MYO19: variants seen among roughly 807,000 people sequenced by gnomAD.
MYO19 encodes the protein myosin XIX.
Under a neutral mutation model 129.2 loss-of-function variants are expected in MYO19, and 132 were observed. The observed-to-expected ratio is 1.02, with a 90% confidence interval of 0.89 to 1.18. MYO19 has a LOEUF of 1.18. Ranked by LOEUF, MYO19 falls within the 50% of genes most tolerant of loss-of-function variation. MYO19 has a pLI of 0.00. For missense variants in MYO19, 1,210 were observed against 1,216.7 expected (o/e 0.99, Z 0.08); for synonymous variants, 531 against 477.2 (o/e 1.11, Z -1.47).
chr17:36,503,495 G>A (rs1003882233), intron 20 of MYO19, among the ~76,000 whole-genome samples: 4 of 152,188 alleles, frequency 2.6e-5, no homozygotes, highest in Admixed American at 2.0e-4. Flanking sequence ...CCTCCAAAGG[G>A]GCTGACAGGC....
rs1443240753 is a variant in MYO19 at position 36,528,178 on chromosome 17, C to T, written c.37G>A (p.Asp13Asn). ...CTGAGGTACTCCCTGGCTTGGCCAT[C>T]AGACCCCGGATTGTGGCCATTGACC... is the stretch of plus-strand genomic sequence containing the variant. ...QQVNGHNPGS[D>N]GQAREYLRED... Residue 13 changes from aspartate to asparagine, a missense_variant, in exon 4 of 26, where the codon GAT becomes AAT. Physicochemically the swap from Asp to Asn is conservative, Grantham distance 23. Transcript: ENST00000614623. 1.9e-6 allele frequency: 3 copies of T among 1,596,592 alleles called. No individual in the cohort carries two copies. Among genetic ancestry groups the T allele is most frequent in the Non-Finnish European group, 2.6e-6 (3 of 1,170,996 alleles).
rs759213581 is a variant in MYO19, at chr17:36,525,281, T to G, written c.361A>C (p.Ile121Leu). ...EQTYRNVKSL[I>L]EPVNQSIVVS... ...ACAATAGACTGGTTGACTGGTTCAA[T>G]CAGGCTCTTGACATTCCTGTAGGTC... The change falls in exon 6 of 26, where the codon ATT becomes CTT. Residue 121 changes from isoleucine to leucine, a missense_variant. By Grantham distance (5) the Ile-to-Leu change is conservative. Coordinates refer to ENST00000614623, the MANE Select transcript of MYO19 (RefSeq NM_001163735.2). The G allele has an allele frequency of 6.2e-7, 1 of 1,613,878 alleles. No homozygotes were observed. Among genetic ancestry groups the G allele is most frequent in the African/African-American group, 1.3e-5 (1 of 74,930 alleles).
Position 36,496,164 on chromosome 17 carries a change from G to T in MYO19, c.*87C>A. 6.6e-7 allele frequency: 1 copy of T among 1,523,722 alleles called. No homozygotes were observed. 94.4% of individuals were successfully genotyped at this position (1,523,722 alleles called of 1,614,324 possible). On this transcript the variant is annotated 3_prime_UTR_variant, in exon 26 of 26. Coordinates refer to ENST00000614623, the MANE Select transcript of MYO19 (RefSeq NM_001163735.2). ...TTCATGTGCATTTGGAGCACTGTGG[G>T]AATAGTCTGGCAGCTGTGTGCTGAT...
intron 3 of MYO19, among the ~76,000 whole-genome samples, chr17:36,530,450 GC>G (rs377409630): frequency 1.5e-4 from 21 of 141,656 alleles, no homozygotes; most frequent in African/African-American, 4.9e-4. Flanking sequence ...TCTAAAAGTG[GC>G]TTTTTTTTTT....
chr17:36,500,673 A>T, intron 23 of MYO19, 157 bp downstream of exon 23: 1 of 1,039,832 alleles, frequency 9.6e-7, no homozygotes. Flanking sequence ...GTTATGAGTG[A>T]GGGGGACAGG....
chr17:36,498,904 G>A (rs1461509412), intron 24 of MYO19, 171 bp downstream of exon 24: 6 of 609,902 alleles, frequency 9.8e-6, no homozygotes, highest in African/African-American at 1.8e-5. Flanking sequence ...CACCCTGCAG[G>A]GTAGGTGTTA....
intron 9 of MYO19, among the ~76,000 whole-genome samples, 168 bp downstream of exon 9, chr17:36,514,278 A>G (rs960142563): frequency 6.6e-6 from 1 of 152,222 alleles, no homozygotes; most frequent in African/African-American, 2.4e-5. Context: ...GCCAAGGCGC[A>G]GTGTGAGGCA....
chr17:36,519,636 A>C (rs996103444), intron 6 of MYO19, among the ~76,000 whole-genome samples: 1 of 120,560 alleles, frequency 8.3e-6, no homozygotes, highest in Non-Finnish European at 1.9e-5. Context: ...TCTTCTAAAG[A>C]GACAAAAAAA....
chr17:36,532,417 G>A (rs1055377063), intron 3 of MYO19, 110 bp downstream of exon 3: 6 of 1,291,292 alleles, frequency 4.6e-6, no homozygotes, highest in Non-Finnish European at 5.5e-6. Context: ...GAGACAATTT[G>A]AGGAGAGAAA....
chr17:36,497,014 T>C (rs1370965115), intron 25 of MYO19, among the ~76,000 whole-genome samples: 1 of 152,200 alleles, frequency 6.6e-6, no homozygotes, highest in African/African-American at 2.4e-5. Flanking sequence ...CTGAGTGTGC[T>C]GGCTGACTTT....
At chr17:36,516,675 T>C (rs1168537564) in intron 6 of MYO19, among the ~76,000 whole-genome samples, 3 of 152,196 alleles carry the variant, frequency 2.0e-5, no homozygotes, top group African/African-American at 7.2e-5. Context: ...CCCCAAGCAG[T>C]CTAATTTTAA....
intron 3 of MYO19, among the ~76,000 whole-genome samples, chr17:36,531,394 C>CA (rs587678549): frequency 0.017 from 937 of 55,630 alleles, 13 homozygotes; most frequent in Middle Eastern, 0.043. Flanking sequence ...GACTCCATCT[C>CA]AAAAAAAAAA....
intron 16 of MYO19, 34 bp from the exon 17 acceptor site, chr17:36,507,173 A>G (rs759270352): frequency 4.8e-5 from 76 of 1,581,686 alleles, no homozygotes; most frequent in Non-Finnish European, 6.2e-5. Flanking sequence ...AGCCACCAAC[A>G]TGAGAGTGTC....
At position 36,532,541 on chromosome 17, in the gene MYO19, T is replaced by C. The variant is rs181191050; in HGVS notation, c.-3A>G. ...TGAGGTTTTACCTGCTGGAGCATCC[T>C]CCTTCAAAGTGGTCAGCCAGGGTTC... On this transcript the variant is annotated 5_prime_UTR_variant, in exon 3 of 26. Coordinates refer to ENST00000614623, the MANE Select transcript of MYO19 (RefSeq NM_001163735.2). 1.9e-6 allele frequency: 3 copies of C among 1,554,846 alleles called. No homozygotes were observed. Among genetic ancestry groups the C allele is most frequent in the Non-Finnish European group, 8.7e-7 (1 of 1,148,744 alleles).
At chr17:36,516,358 T>C (rs1338700477) in intron 6 of MYO19, among the ~76,000 whole-genome samples, 1 of 152,204 alleles carries the variant, frequency 6.6e-6, no homozygotes, top group African/African-American at 2.4e-5. Flanking sequence ...GGGCTCCCAT[T>C]TATACCCAAG....
At chr17:36,498,915 C>A in intron 24 of MYO19, 160 bp downstream of exon 24, 1 of 623,496 alleles carries the variant, frequency 1.6e-6, no homozygotes, top group Non-Finnish European at 2.9e-6. Context: ...GTAGGTGTTA[C>A]TGTGCCCACT....
At chr17:36,514,736 C>T (rs2072622079) in intron 8 of MYO19, among the ~76,000 whole-genome samples, 188 bp from the exon 9 acceptor site, 2 of 152,256 alleles carry the variant, frequency 1.3e-5, no homozygotes, top group Admixed American at 1.3e-4. Flanking sequence ...TCCCCTGCAT[C>T]TAGCTCAGGT....
chr17:36,529,356 T>C (rs1167473984), intron 3 of MYO19, among the ~76,000 whole-genome samples: 1 of 151,978 alleles, frequency 6.6e-6, no homozygotes, highest in Non-Finnish European at 1.5e-5. Flanking sequence ...TCCCTCCACT[T>C]CCTCCTGTGG....
upstream of MYO19, chr17:36,535,516 T>C (rs1024239837): frequency 5.8e-4 from 88 of 152,260 alleles, no homozygotes; most frequent in African/African-American, 2.0e-3. Flanking sequence ...GGTTCCCGCG[T>C]GGTTTGGCGG....
Sources: gnomAD v4.1 joint callset for allele counts (sites outside exome capture counted in the v4.1 genomes callset) on GRCh38, gnomAD v4.1.1 for gene constraint, MANE v1.5 for transcripts, NCBI Gene and HGNC (gene_info 2026-07-23, HGNC 2026-07-21) for gene names.